Variants in MIPOL1 observed in about 807,000 individuals in gnomAD.
The protein encoded by MIPOL1 is mirror-image polydactyly 1, also known as mirror-image polydactyly gene 1 protein.
MIPOL1 carries 57 observed loss-of-function variants against 60.9 expected under a neutral mutation model. That is an observed-to-expected ratio of 0.94 (90% CI 0.76 to 1.17). The LOEUF is 1.17. MIPOL1 is among the 50% of genes most tolerant of loss of function. The pLI, the probability that MIPOL1 is intolerant of heterozygous loss-of-function variation, is 0.00. For missense variants in MIPOL1, 551 were observed against 511.6 expected, an observed-to-expected ratio of 1.08 and a Z score of -0.74; for synonymous variants, 179 against 168.8, an observed-to-expected ratio of 1.06 and a Z score of -0.47.
intron 11 of MIPOL1, among the ~76,000 whole-genome samples, chr14:37,451,852 T>TC (rs1358797529): frequency 7.8e-6 from 1 of 128,792 alleles, no homozygotes; most frequent in Non-Finnish European, 1.5e-5. Context: ...TCTCGCTCTG[T>TC]GGCCCAGGTG....
intron 11 of MIPOL1, among the ~76,000 whole-genome samples, chr14:37,495,126 T>C (rs1263071830): frequency 1.3e-5 from 2 of 151,480 alleles, no homozygotes; most frequent in Non-Finnish European, 2.9e-5. Flanking sequence ...TCTTTTTTTT[T>C]TTTTTAATAT....
At chr14:37,299,736 G>A (rs1338256028) in intron 7 of MIPOL1, among the ~76,000 whole-genome samples, 1 of 151,976 alleles carries the variant, frequency 6.6e-6, no homozygotes, top group Non-Finnish European at 1.5e-5. Context: ...TTTTGTCACG[G>A]GGAGAATTCA....
At chr14:37,318,741 T>A (rs1457403305) in intron 9 of MIPOL1, among the ~76,000 whole-genome samples, 2 of 152,192 alleles carry the variant, frequency 1.3e-5, no homozygotes, top group Non-Finnish European at 2.9e-5. Context: ...GTAGCCTGAT[T>A]TTTCACATTG....
intron 12 of MIPOL1, among the ~76,000 whole-genome samples, chr14:37,541,482 A>G (rs1830687703): frequency 1.3e-5 from 2 of 152,182 alleles, no homozygotes; most frequent in South Asian, 2.1e-4. Context: ...TGGGGGAAAA[A>G]ATTATACCAC....
At chr14:37,410,909 AATATAAC>A (rs1225312627) in intron 10 of MIPOL1, among the ~76,000 whole-genome samples, 2 of 152,138 alleles carry the variant, frequency 1.3e-5, no homozygotes, top group Non-Finnish European at 2.9e-5. Context: ...TTATTTTAAA[AATATAAC>A]ATAGAACTAG....
rs200218824 is a variant in MIPOL1, at chr14:37,267,054, G to A, written c.136G>A (p.Val46Ile). ...KSMHRKSTEL[V>I]NEITCENTEW... Reference sequence around the variant, plus strand: ...TATGCATCGGAAATCCACTGAATTAGTTAATGAAATAACATGTGAGAACAC... The same window carrying A: ...TATGCATCGGAAATCCACTGAATTAATTAATGAAATAACATGTGAGAACAC... Residue 46 changes from valine (V) to isoleucine (I), a missense_variant, in exon 4 of 13, where the codon GTT (valine) becomes ATT (isoleucine). Physicochemically the swap from Val to Ile is conservative, Grantham distance 29. Coordinates refer to ENST00000684589, the MANE Select transcript of MIPOL1 (RefSeq NM_001388067.1). 1.2e-5 allele frequency: 20 copies of A among 1,613,976 alleles called. No individual in the cohort carries two copies. The highest frequency in any genetic ancestry group is 1.7e-4 in the Middle Eastern group (1 of 6,060).
chr14:37,425,898 A>G (rs1421921476), intron 11 of MIPOL1, among the ~76,000 whole-genome samples: 1 of 152,182 alleles, frequency 6.6e-6, no homozygotes, highest in South Asian at 2.1e-4. Flanking sequence ...ACAGAGTATT[A>G]GATATAGACA....
chr14:37,407,877 TCTCACTCTG>T (rs2153536375), intron 10 of MIPOL1, among the ~76,000 whole-genome samples: 1 of 110,130 alleles, frequency 9.1e-6, no homozygotes, highest in African/African-American at 3.7e-5. Flanking sequence ...GGAGACAAGG[TCTCACTCTG>T]TCACTCAGGC....
intron 11 of MIPOL1, among the ~76,000 whole-genome samples, chr14:37,453,719 T>A (rs1384938799): frequency 6.6e-6 from 1 of 152,154 alleles, no homozygotes; most frequent in Admixed American, 6.5e-5. Flanking sequence ...CTTAAAAAAA[T>A]AAGTTAAACA....
chr14:37,319,161 C>T (rs1030304146), intron 9 of MIPOL1, among the ~76,000 whole-genome samples: 7 of 151,934 alleles, frequency 4.6e-5, no homozygotes, highest in African/African-American at 1.7e-4. Context: ...ATAATGTGGA[C>T]ATGTTAAGAT....
At chr14:37,361,327 A>G (rs1386386863) in intron 9 of MIPOL1, among the ~76,000 whole-genome samples, 3 of 152,190 alleles carry the variant, frequency 2.0e-5, no homozygotes, top group Admixed American at 6.5e-5. Flanking sequence ...GTAGATGTCT[A>G]TTAGGTCCCC....
rs1412018694 is a variant in MIPOL1 at position 37,550,550 on chromosome 14, A to C, written c.*3579A>C. The C allele has an allele frequency of 1.3e-5, 2 of 152,046 alleles. No individual in the cohort carries two copies. Among genetic ancestry groups the C allele is most frequent in the Non-Finnish European group, 1.5e-5 (1 of 67,878 alleles). 9.4% of individuals were successfully genotyped at this position (152,046 alleles called of 1,614,324 possible). On this transcript the variant is annotated 3_prime_UTR_variant, in exon 13 of 13. Transcript: ENST00000684589. ...CACCGATACATTTACCTTTTAAAAAAATGATTTATAAGTGAACTGTTAGGC... is the reference window on the plus strand; with the variant it reads ...CACCGATACATTTACCTTTTAAAAACATGATTTATAAGTGAACTGTTAGGC...
intron 11 of MIPOL1, among the ~76,000 whole-genome samples, chr14:37,493,940 A>G (rs146924525): frequency 7.7e-4 from 117 of 152,312 alleles, no homozygotes; most frequent in African/African-American, 2.8e-3. Context: ...TACTACTACT[A>G]CGCTGAAAAT....
chr14:37,210,483 A>T (rs949896263), intron 1 of MIPOL1, among the ~76,000 whole-genome samples: 1 of 152,246 alleles, frequency 6.6e-6, no homozygotes, highest in African/African-American at 2.4e-5. Flanking sequence ...AAGCCAATTC[A>T]CTGAGACTAT....
At chr14:37,219,011 T>G (rs1009458185) in intron 1 of MIPOL1, among the ~76,000 whole-genome samples, 1 of 151,618 alleles carries the variant, frequency 6.6e-6, no homozygotes, top group African/African-American at 2.4e-5. Context: ...ACTTAGGAAC[T>G]AATGCAATAG....
At chr14:37,225,380 C>A (rs1969533991) in intron 1 of MIPOL1, among the ~76,000 whole-genome samples, 2 of 152,210 alleles carry the variant, frequency 1.3e-5, no homozygotes, top group Admixed American at 1.3e-4. Context: ...CCTGGACATC[C>A]AGGCATTTCC....
chr14:37,468,803 G>C (rs2094635939), intron 11 of MIPOL1, among the ~76,000 whole-genome samples: 1 of 152,176 alleles, frequency 6.6e-6, no homozygotes, highest in African/African-American at 2.4e-5. Flanking sequence ...ATTTCTTGGA[G>C]ACTCTCCTAT....
chr14:37,401,123 C>G (rs2093473496), intron 10 of MIPOL1: 1 of 151,830 alleles, frequency 6.6e-6, no homozygotes, highest in Non-Finnish European at 1.5e-5. Flanking sequence ...TGATTTGGAA[C>G]AGCAAAGGGA....
chr14:37,263,565 T>G (rs2082659547), intron 3 of MIPOL1, among the ~76,000 whole-genome samples: 1 of 152,162 alleles, frequency 6.6e-6, no homozygotes, highest in Non-Finnish European at 1.5e-5. Context: ...TAAAACAGTG[T>G]GCCCACAGAA....
Sources: allele counts gnomAD v4.1 joint callset (sites outside exome capture counted in the v4.1 genomes callset), GRCh38; gene constraint gnomAD v4.1.1; transcripts MANE v1.5; gene names NCBI Gene and HGNC (gene_info 2026-07-23, HGNC 2026-07-21).